CHKA: variants seen among roughly 807,000 people sequenced by gnomAD.
CHKA encodes CHETK-alpha.
CHKA carries 34 observed loss-of-function variants against 60.1 expected under a neutral mutation model. That is an observed-to-expected ratio of 0.57 (90% CI 0.43 to 0.75). The LOEUF (loss-of-function observed/expected upper bound fraction) is 0.75, where lower values mean the gene tolerates loss of function less well. Among genes scored for constraint, CHKA ranks in the 30% least tolerant of loss-of-function variants. The probability of loss-of-function intolerance (pLI) is 0.00; values close to 1 mark genes in which losing one functional copy is unlikely to be tolerated. For synonymous variants in CHKA, 217 were observed against 223.1 expected, an observed-to-expected ratio of 0.97 and a Z score of 0.24; for missense variants, 563 against 561.3, an observed-to-expected ratio of 1.00 and a Z score of -0.03.
chr11:68,056,834 AC>A (rs1171492431), intron 11 of CHKA, among the ~76,000 whole-genome samples: 1 of 151,876 alleles, frequency 6.6e-6, no homozygotes, highest in Non-Finnish European at 1.5e-5. Flanking sequence ...ACACAGTGAG[AC>A]CCTGTCTTAA....
intron 10 of CHKA, among the ~76,000 whole-genome samples, chr11:68,064,018 T>C (rs946206975): frequency 2.0e-5 from 3 of 152,236 alleles, no homozygotes; most frequent in African/African-American, 7.2e-5. Flanking sequence ...GCCTGCTGTA[T>C]GCTCAGATCT....
Position 68,090,319 on chromosome 11 carries a change from A to C in CHKA, c.462+6700T>G, listed in dbSNP as rs546726105. 2.0e-5 allele frequency among the ~76,000 whole-genome samples: 3 copies of C among 152,258 alleles called. No homozygotes were observed. The South Asian group carries it at 6.2e-4, about 32-fold the overall frequency. On this transcript the variant is annotated intron_variant, in intron 2 of 11. Transcript: ENST00000265689. ...TAAACCATACTCAAAAGTATAAGGG[A>C]ATTTTTTTAAAGCAGAGTGAACAGA...
At chr11:68,080,183 G>C (rs1465675751) in intron 3 of CHKA, among the ~76,000 whole-genome samples, 2 of 152,116 alleles carry the variant, frequency 1.3e-5, no homozygotes, top group African/African-American at 4.8e-5. Flanking sequence ...TCCCACCCAA[G>C]GACTTCCCAG....
intron 1 of CHKA, among the ~76,000 whole-genome samples, chr11:68,116,267 C>G (rs1858378883): frequency 6.6e-6 from 1 of 152,152 alleles, no homozygotes; most frequent in Non-Finnish European, 1.5e-5. Flanking sequence ...CCTTATCAAT[C>G]AGCAATGAAA....
intron 2 of CHKA, among the ~76,000 whole-genome samples, chr11:68,096,486 T>A (rs936125171): frequency 6.6e-6 from 1 of 152,154 alleles, no homozygotes; most frequent in Non-Finnish European, 1.5e-5. Flanking sequence ...ATTCAATAGG[T>A]ACTTTAAGAA....
At chr11:68,113,626 C>T (rs1484133497) in intron 1 of CHKA, among the ~76,000 whole-genome samples, 4 of 152,142 alleles carry the variant, frequency 2.6e-5, no homozygotes, top group Non-Finnish European at 5.9e-5. Flanking sequence ...ACCCGGGAGG[C>T]GGAGGTTGCA....
At chr11:68,094,654 A>G (rs1857444061) in intron 2 of CHKA, among the ~76,000 whole-genome samples, 1 of 152,256 alleles carries the variant, frequency 6.6e-6, no homozygotes, top group South Asian at 2.1e-4. Flanking sequence ...TGGTGAACAC[A>G]AGAATCTTTT....
At position 68,070,866 on chromosome 11, in the gene CHKA, G is replaced by C; in HGVS notation, c.631-9C>G. 1 of 1,603,584 alleles carries C rather than the reference G, an allele frequency of 6.2e-7. No individual in the cohort carries two copies. The highest frequency in any genetic ancestry group is 8.5e-7 in the Non-Finnish European group (1 of 1,172,914). On this transcript the variant is annotated splice_polypyrimidine_tract_variant and intron_variant, in intron 4 of 11. Transcript: ENST00000265689. ...GTATCTAATCGCCGGCTCTGAAAAA[G>C]AAAAGGGAGTTAAAAACTGACATTT...
chr11:68,088,028 G>A (rs894014346), intron 2 of CHKA, among the ~76,000 whole-genome samples: 58 of 143,030 alleles, frequency 4.1e-4, no homozygotes, highest in African/African-American at 1.4e-3. Context: ...CATAAGAATC[G>A]CTTGAACCTG....
At chr11:68,067,114 G>A (rs1204197726) in intron 7 of CHKA, among the ~76,000 whole-genome samples, 2 of 152,130 alleles carry the variant, frequency 1.3e-5, no homozygotes, top group Admixed American at 1.3e-4. Context: ...CCATCAGCCT[G>A]GCTCTGCAGG....
At chr11:68,102,073 C>T (rs1857747918) in intron 1 of CHKA, among the ~76,000 whole-genome samples, 1 of 149,888 alleles carries the variant, frequency 6.7e-6, no homozygotes, top group South Asian at 2.1e-4. Context: ...GCACTCCAGC[C>T]TGGGTGACAG....
At chr11:68,066,368 T>A (rs944855185) in intron 8 of CHKA, 61 bp downstream of exon 8, 22 of 1,333,460 alleles carry the variant, frequency 1.6e-5, no homozygotes, top group Non-Finnish European at 2.2e-5. Flanking sequence ...TAACTGTTAA[T>A]TAAGCATATC....
chr11:68,075,671 C>T (rs1216085071), intron 3 of CHKA, among the ~76,000 whole-genome samples: 1 of 152,100 alleles, frequency 6.6e-6, no homozygotes. Flanking sequence ...GGCGGTGGCT[C>T]ATGCCTGTAA....
chr11:68,120,794 C>T (rs761344245), intron 1 of CHKA, 34 bp downstream of exon 1: 190 of 1,122,932 alleles, frequency 1.7e-4, no homozygotes, highest in Non-Finnish European at 2.1e-4. Flanking sequence ...CGTCACCTGA[C>T]TGTCCCGCGG....
rs1857541082 is a variant in CHKA at position 68,097,147 on chromosome 11, GA to G, written c.351-18del. 1 of 1,590,698 alleles carries G rather than the reference GA, an allele frequency of 6.3e-7. No individual in the cohort carries two copies. Among genetic ancestry groups the G allele is most frequent in the Non-Finnish European group, 8.6e-7 (1 of 1,160,402 alleles). ...AGGCCGCCTCTGTCAGAAATAAGAGGACAGTAAGTATCTTTATTGCAGGTGA... is the reference window on the plus strand; with the variant it reads ...AGGCCGCCTCTGTCAGAAATAAGAGGCAGTAAGTATCTTTATTGCAGGTGA... On this transcript the variant is annotated intron_variant, in intron 1 of 11. Transcript: ENST00000265689.
At chr11:68,097,254 C>A in intron 1 of CHKA, 124 bp from the exon 2 acceptor site, 1 of 601,106 alleles carries the variant, frequency 1.7e-6, no homozygotes, top group Non-Finnish European at 2.8e-6. Flanking sequence ...TCGATTTATT[C>A]TCTCAATTTA....
chr11:68,094,024 T>C (rs1452688128), intron 2 of CHKA, among the ~76,000 whole-genome samples: 1 of 152,220 alleles, frequency 6.6e-6, no homozygotes, highest in Non-Finnish European at 1.5e-5. Context: ...ACTCCCAGGT[T>C]AGTCTAGCCC....
intron 1 of CHKA, among the ~76,000 whole-genome samples, chr11:68,111,270 G>T (rs1858126468): frequency 6.6e-6 from 1 of 152,090 alleles, no homozygotes; most frequent in South Asian, 2.1e-4. Flanking sequence ...AAATTAGCTG[G>T]GCGTGGTGGT....
At chr11:68,070,456 G>C (rs1856578509) in intron 5 of CHKA, among the ~76,000 whole-genome samples, 163 bp from the exon 6 acceptor site, 1 of 152,156 alleles carries the variant, frequency 6.6e-6, no homozygotes, top group South Asian at 2.1e-4. Flanking sequence ...AGTGGCCTTG[G>C]GGGTTCGTGG....
Sources: gnomAD v4.1 joint callset for allele counts (sites outside exome capture counted in the v4.1 genomes callset) on GRCh38, gnomAD v4.1.1 for gene constraint, MANE v1.5 for transcripts, NCBI Gene and HGNC (gene_info 2026-07-23, HGNC 2026-07-21) for gene names.